ZCCHC3: variants seen among roughly 807,000 people sequenced by gnomAD.
ZCCHC3 encodes the protein zinc finger CCHC domain-containing protein 3.
A neutral mutation model predicts 18.4 loss-of-function variants in ZCCHC3; 20 were observed. That is an observed-to-expected ratio of 1.09 (90% CI 0.76 to 1.58). ZCCHC3 has a LOEUF of 1.58. ZCCHC3 is among the 40% of genes most tolerant of loss of function. The pLI, the probability that ZCCHC3 is intolerant of heterozygous loss-of-function variation, is 0.00. For synonymous variants in ZCCHC3, 310 were observed against 232.7 expected, an observed-to-expected ratio of 1.33 and a Z score of -3.02; for missense variants, 548 against 511.2, an observed-to-expected ratio of 1.07 and a Z score of -0.69.
Position 297,709 on chromosome 20 carries a change from C to A in ZCCHC3, c.123C>A (p.Ala41=). ...GCGGCCGCGAGAAGATGGGCTGGGC[C>A]CAGGTGGTGAAGAATCTAGCCGAGA... is the stretch of plus-strand genomic sequence containing the variant. ...ADGGREKMGW[A]QVVKNLAEKK... is the part of the protein sequence containing the mutation. The change falls in exon 1 of 1, where the codon GCC becomes GCA. Residue 41 remains alanine, a synonymous_variant. Coordinates refer to ENST00000500893, the MANE Select transcript of ZCCHC3 (RefSeq NM_033089.7). The A allele has an allele frequency of 7.2e-7, 1 of 1,382,892 alleles. No individual in the cohort carries two copies. Among genetic ancestry groups the A allele is most frequent in the South Asian group, 1.7e-5 (1 of 60,270 alleles). 85.7% of individuals were successfully genotyped at this position (1,382,892 alleles called of 1,614,324 possible).
Position 297,815 on chromosome 20 carries a change from G to T in ZCCHC3, c.229G>T (p.Gly77Cys). The T allele has an allele frequency of 7.9e-7, 1 of 1,273,332 alleles. No individual in the cohort carries two copies. The highest frequency in any genetic ancestry group is 9.9e-7 in the Non-Finnish European group (1 of 1,010,940). 78.9% of individuals were successfully genotyped at this position (1,273,332 alleles called of 1,614,324 possible). A position where few individuals can be genotyped will look rare whatever the true frequency, so the allele number is the denominator to read the frequency against. ...GGGGGSAGLG[G>C]PAGLAAPDLG... ...CGGTGGAGGGAGCGCCGGGCTCGGC[G>T]GCCCCGCGGGCCTGGCGGCGCCGGA... Residue 77 changes from glycine to cysteine, a missense_variant, in exon 1 of 1, where the codon GGC (glycine) becomes TGC (cysteine). By Grantham distance (159) the Gly-to-Cys change is radical. Coordinates refer to ENST00000500893, the MANE Select transcript of ZCCHC3 (RefSeq NM_033089.7).
Position 298,212 on chromosome 20 carries a change from G to C in ZCCHC3, c.626G>C (p.Ser209Thr). ...DIYAVIQIPG[S>T]REFDVSFRSA... ...TACGCGGTCATCCAGATCCCGGGCAGCCGCGAATTCGACGTGAGCTTCCGC... is the reference window on the plus strand; with the variant it reads ...TACGCGGTCATCCAGATCCCGGGCACCCGCGAATTCGACGTGAGCTTCCGC... The change falls in exon 1 of 1, where the codon AGC (serine) becomes ACC (threonine). Residue 209 changes from serine (S) to threonine (T), a missense_variant. By Grantham distance (58) the Ser-to-Thr change is moderately conservative. Coordinates refer to ENST00000500893, the MANE Select transcript of ZCCHC3 (RefSeq NM_033089.7). 3 of 1,210,302 alleles carry C rather than the reference G, an allele frequency of 2.5e-6. No individual in the cohort carries two copies. Among genetic ancestry groups the C allele is most frequent in the Non-Finnish European group, 2.5e-6 (2 of 810,946 alleles). The allele number at this position is 1,210,302 out of a possible 1,614,324, so 75.0% of individuals were successfully genotyped here.
In ZCCHC3 at chr20:298,506, A is replaced by G; in HGVS notation, c.920A>G (p.Glu307Gly). Reference sequence around the variant, plus strand: ...TGCGAGATCGAGCTGCGCCAGGGGGAGGGCGGGGTCAGGCACTTGCCAGGG... The same window carrying G: ...TGCGAGATCGAGCTGCGCCAGGGGGGGGGCGGGGTCAGGCACTTGCCAGGG... ...YKCEIELRQGEGGVRHLPGAF... is the reference protein window; with the variant it reads ...YKCEIELRQGGGGVRHLPGAF... Residue 307 changes from glutamate to glycine, a missense_variant, in exon 1 of 1, where the codon GAG (glutamate) becomes GGG (glycine). By Grantham distance (98) the Glu-to-Gly change is moderately conservative. Coordinates refer to ENST00000500893, the MANE Select transcript of ZCCHC3 (RefSeq NM_033089.7). The G allele has an allele frequency of 2.6e-6, 2 of 755,292 alleles. No homozygotes were observed. The highest frequency in any genetic ancestry group is 2.5e-6 in the Non-Finnish European group (1 of 403,048). 46.8% of individuals were successfully genotyped at this position (755,292 alleles called of 1,614,324 possible).
Position 298,751 on chromosome 20 carries a change from G to A in ZCCHC3, c.1165G>A (p.Val389Met), listed in dbSNP as rs749624335. 2 of 1,561,416 alleles carry A rather than the reference G, an allele frequency of 1.3e-6. No individual in the cohort carries two copies. Among genetic ancestry groups the A allele is most frequent in the African/African-American group, 2.7e-5 (2 of 73,428 alleles). The change falls in exon 1 of 1, where the codon GTG becomes ATG. Residue 389 changes from valine (V) to methionine (M), a missense_variant. Val to Met is a conservative substitution (Grantham distance 21). Coordinates refer to ENST00000500893, the MANE Select transcript of ZCCHC3 (RefSeq NM_033089.7). ...GHAFAQCPKA[V>M]HNSVAAQLTG... ...CGCCTTTGCCCAGTGTCCCAAAGCA[G>A]TGCACAATTCCGTGGCAGCTCAGCT...
In ZCCHC3 at chr20:297,812, G is replaced by C; in HGVS notation, c.226G>C (p.Gly76Arg). The change falls in exon 1 of 1, where the codon GGC (glycine) becomes CGC (arginine). Residue 76 changes from glycine to arginine, a missense_variant. By Grantham distance (125) the Gly-to-Arg change is moderately radical (BLOSUM62 -2). Coordinates refer to ENST00000500893, the MANE Select transcript of ZCCHC3 (RefSeq NM_033089.7). ...CGGCGGTGGAGGGAGCGCCGGGCTCGGCGGCCCCGCGGGCCTGGCGGCGCC... is the reference window on the plus strand; with the variant it reads ...CGGCGGTGGAGGGAGCGCCGGGCTCCGCGGCCCCGCGGGCCTGGCGGCGCC... ...SGGGGGSAGL[G>R]GPAGLAAPDL... The C allele has an allele frequency of 7.0e-6, 9 of 1,283,734 alleles. No individual in the cohort carries two copies. Among genetic ancestry groups the C allele is most frequent in the African/African-American group, 1.6e-5 (1 of 64,252 alleles). 79.5% of individuals were successfully genotyped at this position (1,283,734 alleles called of 1,614,324 possible). A position where few individuals can be genotyped will look rare whatever the true frequency, so the allele number is the denominator to read the frequency against.
rs1034406143 is a variant in ZCCHC3 at position 297,712 on chromosome 20, G to A, written c.126G>A (p.Gln42=). ...DGGREKMGWA[Q]VVKNLAEKKG... ...GCCGCGAGAAGATGGGCTGGGCCCA[G>A]GTGGTGAAGAATCTAGCCGAGAAGA... Residue 42 remains glutamine, a synonymous_variant, in exon 1 of 1, where the codon CAG becomes CAA. Transcript: ENST00000500893. The A allele has an allele frequency of 2.2e-6, 3 of 1,382,944 alleles. No individual in the cohort carries two copies. The highest frequency in any genetic ancestry group is 3.1e-5 in the African/African-American group (2 of 65,316). The allele number at this position is 1,382,944 out of a possible 1,614,324, so 85.7% of individuals were successfully genotyped here. A position where few individuals can be genotyped will look rare whatever the true frequency, so the allele number is the denominator to read the frequency against.
Position 298,621 on chromosome 20 carries a change from C to G in ZCCHC3, c.1035C>G (p.Ser345Arg). ...CFKCGSRTHM[S>R]GSCTQDRCFR... Reference sequence around the variant, plus strand: ...AATGTGGTTCCCGGACCCACATGAGCGGCAGCTGCACGCAGGACAGGTGCT... The same window carrying G: ...AATGTGGTTCCCGGACCCACATGAGGGGCAGCTGCACGCAGGACAGGTGCT... Residue 345 changes from serine (S) to arginine (R), a missense_variant, in exon 1 of 1, where the codon AGC becomes AGG. By Grantham distance (110) the Ser-to-Arg change is moderately radical. Transcript: ENST00000500893. 1 of 1,035,888 alleles carries G rather than the reference C, an allele frequency of 9.7e-7. No homozygotes were observed. Among genetic ancestry groups the G allele is most frequent in the East Asian group, 2.4e-5 (1 of 42,306 alleles). The allele number at this position is 1,035,888 out of a possible 1,614,324, so 64.2% of individuals were successfully genotyped here. A position where few individuals can be genotyped will look rare whatever the true frequency, so the allele number is the denominator to read the frequency against.
chr20:297,674 G>A lies in ZCCHC3; in HGVS notation c.88G>A (p.Glu30Lys). Residue 30 changes from glutamate to lysine, a missense_variant, in exon 1 of 1, where the codon GAG becomes AAG. Glu to Lys is a moderately conservative substitution (Grantham distance 56, BLOSUM62 1). Transcript: ENST00000500893. Reference sequence around the variant, plus strand: ...CGCGCGGCCCGCGGCCCGGGGCGAGGAGGCCGACGGCGGCCGCGAGAAGAT... The same window carrying A: ...CGCGCGGCCCGCGGCCCGGGGCGAGAAGGCCGACGGCGGCCGCGAGAAGAT... ...PPARPAARGEEADGGREKMGW... is the reference protein window; with the variant it reads ...PPARPAARGEKADGGREKMGW... 1 of 1,366,012 alleles carries A rather than the reference G, an allele frequency of 7.3e-7. No homozygotes were observed. The highest frequency in any genetic ancestry group is 9.5e-7 in the Non-Finnish European group (1 of 1,057,494). 84.6% of individuals were successfully genotyped at this position (1,366,012 alleles called of 1,614,324 possible).
rs2031 is a variant in ZCCHC3 at position 300,165 on chromosome 20, C to T, written c.*1367C>T. On this transcript the variant is annotated 3_prime_UTR_variant, in exon 1 of 1. Transcript: ENST00000500893. ...GGCCAAGCGAGAGGTCATGGGCCAA[C>T]TAAGTGTTATCCAGTAGAAAAGACA... is the stretch of plus-strand genomic sequence containing the variant. 522 of 167,166 alleles carry T rather than the reference C, an allele frequency of 3.1e-3. 1 individual carries two copies. Among genetic ancestry groups the T allele is most frequent in the Non-Finnish European group, 2.4e-3 (161 of 68,122 alleles). The allele number at this position is 167,166 out of a possible 1,614,324, so 10.4% of individuals were successfully genotyped here.
Position 297,738 on chromosome 20 carries a change from A to T in ZCCHC3, c.152A>T (p.Lys51Met). The T allele has an allele frequency of 7.3e-7, 1 of 1,376,166 alleles. No homozygotes were observed. Among genetic ancestry groups the T allele is most frequent in the Non-Finnish European group, 9.4e-7 (1 of 1,060,322 alleles). 85.2% of individuals were successfully genotyped at this position (1,376,166 alleles called of 1,614,324 possible). A position where few individuals can be genotyped will look rare whatever the true frequency, so the allele number is the denominator to read the frequency against. Residue 51 changes from lysine (K) to methionine (M), a missense_variant, in exon 1 of 1, where the codon AAG becomes ATG. Coordinates refer to ENST00000500893, the MANE Select transcript of ZCCHC3 (RefSeq NM_033089.7). Reference sequence around the variant, plus strand: ...GTGGTGAAGAATCTAGCCGAGAAGAAGGGCGAATTCCGCGAGCCGCGGCCG... The same window carrying T: ...GTGGTGAAGAATCTAGCCGAGAAGATGGGCGAATTCCGCGAGCCGCGGCCG... The part of the protein sequence containing the change: ...AQVVKNLAEK[K>M]GEFREPRPPR...
rs1289367776 is a variant in ZCCHC3, at chr20:297,759, G to GGCC, written c.179_181dup (p.Pro60dup). The stretch of plus-strand genomic sequence containing the variant: ...AAGAAGGGCGAATTCCGCGAGCCGC[G>GGCC]GCCGCCGCGGCGGGAGGAGGAAAGC... On this transcript the variant is annotated inframe_insertion, in exon 1 of 1. Coordinates refer to ENST00000500893, the MANE Select transcript of ZCCHC3 (RefSeq NM_033089.7). The GGCC allele has an allele frequency of 1.4e-6, 2 of 1,379,536 alleles. No individual in the cohort carries two copies. The highest frequency in any genetic ancestry group is 1.9e-6 in the Non-Finnish European group (2 of 1,061,060). The allele number at this position is 1,379,536 out of a possible 1,614,324, so 85.5% of individuals were successfully genotyped here.
chr20:299,626 A>C lies in ZCCHC3; in HGVS notation c.*828A>C, dbSNP rs1568498380. 6.0e-6 allele frequency: 1 copy of C among 167,114 alleles called. No individual in the cohort carries two copies. The highest frequency in any genetic ancestry group is 1.5e-5 in the Non-Finnish European group (1 of 68,144). The allele number at this position is 167,114 out of a possible 1,614,324, so 10.4% of individuals were successfully genotyped here. A position where few individuals can be genotyped will look rare whatever the true frequency, so the allele number is the denominator to read the frequency against. On this transcript the variant is annotated 3_prime_UTR_variant, in exon 1 of 1. Coordinates refer to ENST00000500893, the MANE Select transcript of ZCCHC3 (RefSeq NM_033089.7). Reference sequence around the variant, plus strand: ...CACATAGCTGTCTGGTGCCAGAGCCAGCCTATAGTAGAGTCCCCTGACCCC... The same window carrying C: ...CACATAGCTGTCTGGTGCCAGAGCCCGCCTATAGTAGAGTCCCCTGACCCC...
rs1465665033 is a variant in ZCCHC3 at position 297,895 on chromosome 20, TC to T, written c.311del (p.Pro104ArgfsTer82). ...RGDPKGRRRD[P>X]AGEAVDPRKK... ...GGGATCCGAAGGGCCGTCGGAGAGA[TC>T]CGGCCGGCGAGGCGGTGGACCCCCG... On this transcript the variant is annotated frameshift_variant, in exon 1 of 1. Transcript: ENST00000500893. LOFTEE classifies it high-confidence loss of function. 2 of 1,256,282 alleles carry T rather than the reference TC, an allele frequency of 1.6e-6. No individual in the cohort carries two copies. Among genetic ancestry groups the T allele is most frequent in the Non-Finnish European group, 1.0e-6 (1 of 1,001,604 alleles). 77.8% of individuals were successfully genotyped at this position (1,256,282 alleles called of 1,614,324 possible).
At position 298,882 on chromosome 20, in the gene ZCCHC3, G is replaced by GT. The variant is rs1246577799; in HGVS notation, c.*89dup. 2.8e-6 allele frequency: 4 copies of GT among 1,410,362 alleles called. No homozygotes were observed. In the African/African-American group the frequency reaches 5.8e-5, roughly 21 times the overall value. 87.4% of individuals were successfully genotyped at this position (1,410,362 alleles called of 1,614,324 possible). A position where few individuals can be genotyped will look rare whatever the true frequency, so the allele number is the denominator to read the frequency against. ...ACTTTTTTTTAAACCATTTTTTATCGTTTTTGAAGGAGATCTTTTTAAAAC... is the reference window on the plus strand; with the variant it reads ...ACTTTTTTTTAAACCATTTTTTATCGTTTTTTGAAGGAGATCTTTTTAAAAC... On this transcript the variant is annotated 3_prime_UTR_variant, in exon 1 of 1. Coordinates refer to ENST00000500893, the MANE Select transcript of ZCCHC3 (RefSeq NM_033089.7).
At position 297,923 on chromosome 20, in the gene ZCCHC3, A is replaced by G; in HGVS notation, c.337A>G (p.Lys113Glu). The change falls in exon 1 of 1, where the codon AAA becomes GAA. Residue 113 changes from lysine (K) to glutamate (E), a missense_variant. Coordinates refer to ENST00000500893, the MANE Select transcript of ZCCHC3 (RefSeq NM_033089.7). Reference protein sequence around the residue: ...DPAGEAVDPRKKKGAAEAGRR... With the variant: ...DPAGEAVDPREKKGAAEAGRR... ...GGCCGGCGAGGCGGTGGACCCCCGCAAAAAGAAGGGCGCTGCGGAGGCGGG... is the reference window on the plus strand; with the variant it reads ...GGCCGGCGAGGCGGTGGACCCCCGCGAAAAGAAGGGCGCTGCGGAGGCGGG... 1 of 1,266,192 alleles carries G rather than the reference A, an allele frequency of 7.9e-7. No individual in the cohort carries two copies. Among genetic ancestry groups the G allele is most frequent in the African/African-American group, 1.6e-5 (1 of 63,940 alleles). 78.4% of individuals were successfully genotyped at this position (1,266,192 alleles called of 1,614,324 possible).
chr20:298,870 C>T lies in ZCCHC3; in HGVS notation c.*72C>T. 2 of 1,453,196 alleles carry T rather than the reference C, an allele frequency of 1.4e-6. No homozygotes were observed. Among genetic ancestry groups the T allele is most frequent in the Non-Finnish European group, 1.8e-6 (2 of 1,097,568 alleles). The allele number at this position is 1,453,196 out of a possible 1,614,324, so 90.0% of individuals were successfully genotyped here. ...TTAAGTGCCAAAACTTTTTTTTAAA[C>T]CATTTTTTATCGTTTTTGAAGGAGA... On this transcript the variant is annotated 3_prime_UTR_variant, in exon 1 of 1. Transcript: ENST00000500893.
rs1424040019 is a variant in ZCCHC3, at chr20:298,019, G to T, written c.433G>T (p.Ala145Ser). 6 of 1,421,640 alleles carry T rather than the reference G, an allele frequency of 4.2e-6. No individual in the cohort carries two copies. In the African/African-American group the frequency reaches 4.5e-5, roughly 11 times the overall value. 88.1% of individuals were successfully genotyped at this position (1,421,640 alleles called of 1,614,324 possible). Residue 145 changes from alanine to serine, a missense_variant, in exon 1 of 1, where the codon GCG (alanine) becomes TCG (serine). Ala to Ser is a moderately conservative substitution (Grantham distance 99). Coordinates refer to ENST00000500893, the MANE Select transcript of ZCCHC3 (RefSeq NM_033089.7). ...TPARPGEAED[A>S]AERPLQDEPA... Reference sequence around the variant, plus strand: ...GGCCAGGCCCGGCGAGGCCGAGGACGCGGCCGAGCGGCCCCTCCAGGATGA... The same window carrying T: ...GGCCAGGCCCGGCGAGGCCGAGGACTCGGCCGAGCGGCCCCTCCAGGATGA...
In ZCCHC3 at chr20:298,581, C is replaced by T; in HGVS notation, c.995C>T (p.Pro332Leu). Reference sequence around the variant, plus strand: ...GGCTACAGCTGGTACAAGGGGCAGCCCAAGACATGCTTTAAATGTGGTTCC... The same window carrying T: ...GGCTACAGCTGGTACAAGGGGCAGCTCAAGACATGCTTTAAATGTGGTTCC... ...ERGYSWYKGQ[P>L]KTCFKCGSRT... The change falls in exon 1 of 1, where the codon CCC becomes CTC. Residue 332 changes from proline (P) to leucine (L), a missense_variant. Physicochemically the swap from Pro to Leu is moderately conservative, Grantham distance 98. Transcript: ENST00000500893. 4 of 823,802 alleles carry T rather than the reference C, an allele frequency of 4.9e-6. No homozygotes were observed. Among genetic ancestry groups the T allele is most frequent in the Non-Finnish European group, 6.4e-6 (3 of 468,026 alleles). The allele number at this position is 823,802 out of a possible 1,614,324, so 51.0% of individuals were successfully genotyped here. A position where few individuals can be genotyped will look rare whatever the true frequency, so the allele number is the denominator to read the frequency against.
rs2012700150 is a variant in ZCCHC3 at position 298,973 on chromosome 20, G to A, written c.*175G>A. 3 of 576,748 alleles carry A rather than the reference G, an allele frequency of 5.2e-6. No homozygotes were observed. The highest frequency in any genetic ancestry group is 8.3e-6 in the Non-Finnish European group (3 of 361,714). 35.7% of individuals were successfully genotyped at this position (576,748 alleles called of 1,614,324 possible). On this transcript the variant is annotated 3_prime_UTR_variant, in exon 1 of 1. Coordinates refer to ENST00000500893, the MANE Select transcript of ZCCHC3 (RefSeq NM_033089.7). ...ACTCCATTTCAGCCTGTTCTGAATT[G>A]GTGACTCTGTCACCAATAACGACTG...
Sources: allele counts gnomAD v4.1 joint callset, GRCh38; gene constraint gnomAD v4.1.1; transcripts MANE v1.5; gene names NCBI Gene and HGNC (gene_info 2026-07-23, HGNC 2026-07-21).